The following SDHA variants were observed in gnomAD, a reference collection of about 807,000 sequenced individuals.
SDHA encodes the protein succinate dehydrogenase [ubiquinone] flavoprotein subunit, mitochondrial.
In SDHA, 48 loss-of-function variants were observed where a neutral mutation model predicts 78.4. The observed-to-expected ratio is 0.61, with a 90% CI of 0.49 to 0.78. SDHA has a LOEUF of 0.78. Among genes scored for constraint, SDHA ranks in the 30% least tolerant of loss-of-function variants. SDHA has a pLI of 0.00. For synonymous variants in SDHA, 326 were observed against 353.9 expected, an observed-to-expected ratio of 0.92 and a Z score of 0.88; for missense variants, 680 against 892.7, an observed-to-expected ratio of 0.76 and a Z score of 3.04.
the SDHA span, among the ~76,000 whole-genome samples, chr5:262,287 A>T: frequency 4.7e-3 from 240 of 51,134 alleles, 14 homozygotes; most frequent in African/African-American, 0.015. Flanking sequence ...CCGCCTCCCG[A>T]CAGAGCATTA....
At chr5:262,233 A>G in the SDHA span, among the ~76,000 whole-genome samples, 1 of 121,816 alleles carries the variant, frequency 8.2e-6, no homozygotes. Context: ...ACAGAGCATT[A>G]CCGTGTGAGC....
intron 13 of SDHA, among the ~76,000 whole-genome samples, chr5:252,679 T>G (rs1736921182): frequency 8.2e-6 from 1 of 121,986 alleles, no homozygotes; most frequent in Non-Finnish European, 1.7e-5. Flanking sequence ...GTTTATTAAA[T>G]AATGAGTAAG....
At chr5:237,866 A>G (rs544949517) in intron 10 of SDHA, among the ~76,000 whole-genome samples, 1 of 137,260 alleles carries the variant, frequency 7.3e-6, no homozygotes, top group East Asian at 1.9e-4. Context: ...AGGCCAGCAC[A>G]CGCAGAGCTG....
chr5:246,795 A>G (rs768537945), intron 11 of SDHA, among the ~76,000 whole-genome samples: 6 of 152,244 alleles, frequency 3.9e-5, no homozygotes, highest in Non-Finnish European at 5.9e-5. Flanking sequence ...CATGGACTCT[A>G]ACTCCTTATT....
At chr5:237,088 T>G (rs968270507) in intron 10 of SDHA, among the ~76,000 whole-genome samples, 1 of 136,138 alleles carries the variant, frequency 7.3e-6, no homozygotes, top group African/African-American at 3.5e-5. Context: ...TAGAGGCTGG[T>G]TGGGGATCTT....
At chr5:234,921 C>T in intron 8 of SDHA, 1 of 608,340 alleles carries the variant, frequency 1.6e-6, no homozygotes, top group East Asian at 2.9e-5. Flanking sequence ...TTAGTGAGGG[C>T]AGAGTTTTTG....
At position 230,940 on chromosome 5, in the gene SDHA, A is replaced by T. The variant is rs755913710; in HGVS notation, c.835A>T (p.Met279Leu). The stretch of plus-strand genomic sequence containing the variant: ...CACCAGCACTGGCGACGGCACGGCC[A>T]TGATCACCAGGGCAGGCCTTCCTTG... ...AHTSTGDGTAMITRAGLPCQD... is the reference protein window; with the variant it reads ...AHTSTGDGTALITRAGLPCQD... Residue 279 changes from methionine (M) to leucine (L), a missense_variant, in exon 7 of 15, where the codon ATG becomes TTG. Coordinates refer to ENST00000264932, the MANE Select transcript of SDHA (RefSeq NM_004168.4). 6.2e-7 allele frequency: 1 copy of T among 1,614,040 alleles called. No homozygotes were observed.
chr5:246,775 C>T (rs944429012), intron 11 of SDHA, among the ~76,000 whole-genome samples: 4 of 152,232 alleles, frequency 2.6e-5, no homozygotes, highest in Admixed American at 6.5e-5. Flanking sequence ...TTTTCTTCCA[C>T]ATACTAATTC....
intron 2 of SDHA, 131 bp downstream of exon 2, chr5:223,699 A>G: frequency 1.4e-6 from 1 of 695,226 alleles, no homozygotes; most frequent in Non-Finnish European, 2.7e-6. Context: ...ATGCATGCTG[A>G]AATTATTTTC....
At chr5:256,189 TG>T (rs1477811097) in intron 14 of SDHA, 144 bp from the exon 15 acceptor site, 4 of 728,904 alleles carry the variant, frequency 5.5e-6, no homozygotes, top group Non-Finnish European at 1.0e-5. Flanking sequence ...CTTTACATGA[TG>T]GGAGCATTTT....
intron 11 of SDHA, chr5:249,310 C>CCT (rs1012296549): frequency 4.2e-6 from 1 of 239,100 alleles, no homozygotes; most frequent in African/African-American, 2.4e-5. Context: ...CTTTGCAAAA[C>CCT]AAATAAAGGG....
chr5:248,827 C>T (rs1163419513), intron 11 of SDHA, among the ~76,000 whole-genome samples: 1 of 152,140 alleles, frequency 6.6e-6, no homozygotes, highest in Non-Finnish European at 1.5e-5. Context: ...CTGGTCTGAA[C>T]AAAATTGTCA....
intron 1 of SDHA, 49 bp from the exon 2 acceptor site, chr5:223,433 G>A: frequency 7.8e-7 from 1 of 1,283,374 alleles, no homozygotes; most frequent in Non-Finnish European, 1.1e-6. Flanking sequence ...CACAGCATTT[G>A]TTCCTTCAGG....
In SDHA at chr5:225,550, C is replaced by G. The variant is rs367618662; in HGVS notation, c.444C>G (p.Ala148=). ...AIHYMTEQAP[A]AVVELENYGM... ...ACTACATGACGGAGCAGGCCCCCGC[C>G]GCCGTGGTCGAGGTGATGGGCGGGA... Residue 148 remains alanine, a synonymous_variant, in exon 4 of 15, where the codon GCC becomes GCG. Coordinates refer to ENST00000264932, the MANE Select transcript of SDHA (RefSeq NM_004168.4). 6.2e-7 allele frequency: 1 copy of G among 1,613,754 alleles called. No homozygotes were observed. The highest frequency in any genetic ancestry group is 8.5e-7 in the Non-Finnish European group (1 of 1,179,804).
chr5:265,790 A>G, the SDHA span, among the ~76,000 whole-genome samples: 2 of 151,612 alleles, frequency 1.3e-5, no homozygotes, highest in African/African-American at 2.4e-5. Flanking sequence ...ATTGCACTCC[A>G]GCCTGGGCAA....
At position 251,393 on chromosome 5, in the gene SDHA, G is replaced by A. The variant is rs17415917; in HGVS notation, c.1719G>A (p.Leu573=). ...CCCTGGAGCTGCAGAACCTGATGCT[G>A]TGTGCGCTGCAGACCATCTACGGAG... The part of the protein sequence containing the change: ...VETLELQNLM[L]CALQTIYGAE... The change falls in exon 13 of 15, where the codon CTG becomes CTA. Residue 573 remains leucine, a synonymous_variant. Coordinates refer to ENST00000264932, the MANE Select transcript of SDHA (RefSeq NM_004168.4). 2.5e-6 allele frequency: 4 copies of A among 1,613,906 alleles called. No homozygotes were observed. The highest frequency in any genetic ancestry group is 3.4e-6 in the Non-Finnish European group (4 of 1,179,850).
At chr5:236,333 C>T (rs1272215653) in intron 9 of SDHA, 95 bp from the exon 10 acceptor site, 1 of 1,328,874 alleles carries the variant, frequency 7.5e-7, no homozygotes, top group Non-Finnish European at 1.1e-6. Context: ...CTACTTCCCT[C>T]TCTCTGACCT....
intron 1 of SDHA, among the ~76,000 whole-genome samples, chr5:220,065 TGA>T (rs1734628250): frequency 6.6e-6 from 1 of 152,212 alleles, no homozygotes; most frequent in African/African-American, 2.4e-5. Flanking sequence ...GATAGCCAAC[TGA>T]GAAATGTGTT....
rs1404110517 is a variant in SDHA, at chr5:251,573, A to G, written c.1794+105A>G. 7 of 1,578,368 alleles carry G rather than the reference A, an allele frequency of 4.4e-6. No individual in the cohort carries two copies. In the South Asian group the frequency reaches 8.0e-5, roughly 18 times the overall value. On this transcript the variant is annotated intron_variant, in intron 13 of 14. Transcript: ENST00000264932. ...CTGCATTTTCTTTCGTTGCCCCAAA[A>G]GTAAATCCAAAAAATGCCTTTTTCC...
Sources: allele counts gnomAD v4.1 joint callset (sites outside exome capture counted in the v4.1 genomes callset), GRCh38; gene constraint gnomAD v4.1.1; transcripts MANE v1.5; gene names NCBI Gene and HGNC (gene_info 2026-07-23, HGNC 2026-07-21).